NUBPL: variants seen among roughly 807,000 people sequenced by gnomAD.
The protein encoded by NUBPL is NUBP iron-sulfur cluster assembly factor, mitochondrial, also known as iron-sulfur cluster transfer protein NUBPL.
In NUBPL, 31 loss-of-function variants were observed where a neutral mutation model predicts 45.7. That is an observed-to-expected ratio of 0.68 (90% CI 0.51 to 0.92). The LOEUF (loss-of-function observed/expected upper bound fraction) is 0.92. NUBPL is among the 40% of genes least tolerant of loss of function. The pLI is 0.00. For missense variants in NUBPL, 401 were observed against 398.7 expected, an observed-to-expected ratio of 1.01 and a Z score of -0.05; for synonymous variants, 144 against 140.9, an observed-to-expected ratio of 1.02 and a Z score of -0.15.
chr14:31,727,287 A>T (rs2037946472), intron 6 of NUBPL, among the ~76,000 whole-genome samples: 1 of 152,174 alleles, frequency 6.6e-6, no homozygotes, highest in Non-Finnish European at 1.5e-5. Flanking sequence ...ATTCAAGTTG[A>T]TTATTTAGCT....
At chr14:31,697,449 T>G (rs1200924089) in intron 6 of NUBPL, among the ~76,000 whole-genome samples, 1 of 152,260 alleles carries the variant, frequency 6.6e-6, no homozygotes, top group African/African-American at 2.4e-5. Flanking sequence ...ACCTTTACAA[T>G]GTCCTATTTC....
At chr14:31,779,429 A>G (rs2039153994) in intron 6 of NUBPL, among the ~76,000 whole-genome samples, 1 of 152,156 alleles carries the variant, frequency 6.6e-6, no homozygotes, top group South Asian at 2.1e-4. Flanking sequence ...AGAGTATGGA[A>G]TGGAGATAGT....
At chr14:31,788,700 T>C (rs2039327624) in intron 7 of NUBPL, among the ~76,000 whole-genome samples, 1 of 152,200 alleles carries the variant, frequency 6.6e-6, no homozygotes, top group Non-Finnish European at 1.5e-5. Context: ...GAGCAATTAC[T>C]GGGCATCTTA....
intron 3 of NUBPL, among the ~76,000 whole-genome samples, chr14:31,565,389 A>T (rs2033409905): frequency 6.6e-6 from 1 of 152,162 alleles, no homozygotes; most frequent in Non-Finnish European, 1.5e-5. Context: ...AGATATTCTG[A>T]AAGTAGTGTA....
chr14:31,576,936 C>A (rs1041194871), intron 3 of NUBPL, among the ~76,000 whole-genome samples: 1 of 152,172 alleles, frequency 6.6e-6, no homozygotes, highest in African/African-American at 2.4e-5. Context: ...AGCATGGCAG[C>A]CTCAGTGTAA....
chr14:31,799,078 C>T (rs1334973526), intron 7 of NUBPL, among the ~76,000 whole-genome samples: 1 of 152,010 alleles, frequency 6.6e-6, no homozygotes, highest in Admixed American at 6.6e-5. Flanking sequence ...TTTTGCATTT[C>T]TATAAGCTAT....
At chr14:31,725,297 T>C (rs1330820408) in intron 6 of NUBPL, among the ~76,000 whole-genome samples, 1 of 152,166 alleles carries the variant, frequency 6.6e-6, no homozygotes, top group Admixed American at 6.6e-5. Flanking sequence ...GTCAACAGGC[T>C]TGTTCAGTGC....
intron 3 of NUBPL, among the ~76,000 whole-genome samples, chr14:31,568,692 G>T (rs935661795): frequency 1.2e-4 from 19 of 152,298 alleles, no homozygotes; most frequent in African/African-American, 4.3e-4. Context: ...GCTATAAATA[G>T]AATGATGTCT....
At chr14:31,564,417 C>T (rs1045327933) in intron 2 of NUBPL, among the ~76,000 whole-genome samples, 4 of 149,204 alleles carry the variant, frequency 2.7e-5, no homozygotes, top group South Asian at 2.1e-4. Context: ...GGGCAGGATG[C>T]GGTGGCTCAT....
chr14:31,579,485 G>A (rs1566425323), intron 3 of NUBPL, among the ~76,000 whole-genome samples: 1 of 152,126 alleles, frequency 6.6e-6, no homozygotes, highest in Non-Finnish European at 1.5e-5. Context: ...GCTGATATAT[G>A]CAACAGAATA....
intron 4 of NUBPL, chr14:31,662,148 T>A (rs561614544): frequency 5.9e-4 from 90 of 152,198 alleles, no homozygotes; most frequent in Admixed American, 3.2e-3. Context: ...GAGTACCTGT[T>A]AAATTTTAAA....
intron 4 of NUBPL, among the ~76,000 whole-genome samples, chr14:31,624,191 T>A (rs115970246): frequency 6.6e-6 from 1 of 152,168 alleles, no homozygotes; most frequent in Non-Finnish European, 1.5e-5. Flanking sequence ...GAATAGACCT[T>A]GGTAATTTAT....
At chr14:31,739,480 A>G (rs571682688) in intron 6 of NUBPL, among the ~76,000 whole-genome samples, 3 of 152,018 alleles carry the variant, frequency 2.0e-5, no homozygotes, top group Non-Finnish European at 4.4e-5. Flanking sequence ...ATATAGAAAT[A>G]CTTCTAAAAT....
chr14:31,849,202 T>A (rs1457062939), intron 9 of NUBPL, among the ~76,000 whole-genome samples: 3 of 152,234 alleles, frequency 2.0e-5, no homozygotes, highest in Non-Finnish European at 4.4e-5. Context: ...CTTCATTATT[T>A]AAATTTCCTG....
intron 10 of NUBPL, among the ~76,000 whole-genome samples, chr14:31,850,421 A>G (rs547565492): frequency 2.0e-5 from 3 of 152,328 alleles, no homozygotes; most frequent in African/African-American, 7.2e-5. Context: ...ACAGAGAATC[A>G]TCACCCAACC....
intron 6 of NUBPL, among the ~76,000 whole-genome samples, chr14:31,777,189 A>G (rs549245978): frequency 4.1e-4 from 62 of 152,190 alleles, no homozygotes; most frequent in Non-Finnish European, 7.1e-4. Context: ...ACATGGCTCT[A>G]TTTAAAATTT....
intron 4 of NUBPL, among the ~76,000 whole-genome samples, chr14:31,621,095 G>T (rs1380331387): frequency 6.6e-6 from 1 of 152,266 alleles, no homozygotes. Flanking sequence ...GGGTAAAACC[G>T]CCTACTCAGG....
rs998874515 is a variant in NUBPL, at chr14:31,814,071, A to G, written c.608-12558A>G. On this transcript the variant is annotated intron_variant, in intron 7 of 10. Coordinates refer to ENST00000281081, the MANE Select transcript of NUBPL (RefSeq NM_025152.3). ...ACCCAGCAATGGGATTGCTGGGTCA[A>G]TGGTATTTCTGGTTCTAGATCCTTG... is the stretch of plus-strand genomic sequence containing the variant. Among the ~76,000 whole-genome samples the G allele has an allele frequency of 3.3e-5, 5 of 152,174 alleles. No individual in the cohort carries two copies. The East Asian group carries it at 7.7e-4, about 23-fold the overall frequency.
At chr14:31,747,742 T>C (rs961763277) in intron 6 of NUBPL, among the ~76,000 whole-genome samples, 1 of 152,298 alleles carries the variant, frequency 6.6e-6, no homozygotes. Context: ...AATTTGATTA[T>C]CTTTAAAAAA....
Sources: gnomAD v4.1 joint callset for allele counts (sites outside exome capture counted in the v4.1 genomes callset) on GRCh38, gnomAD v4.1.1 for gene constraint, MANE v1.5 for transcripts, NCBI Gene and HGNC (gene_info 2026-07-23, HGNC 2026-07-21) for gene names.